The following TMC1 variants were observed in gnomAD, a reference collection of about 807,000 sequenced individuals.
TMC1 encodes the protein transmembrane channel-like protein 1.
TMC1 carries 84 observed loss-of-function variants against 105.8 expected under a neutral mutation model. The observed-to-expected ratio is 0.79, with a 90% CI of 0.67 to 0.95. The LOEUF (loss-of-function observed/expected upper bound fraction) is 0.95, where lower values mean the gene tolerates loss of function less well. Ranked by LOEUF, TMC1 falls within the 40% of genes least tolerant of loss-of-function variation. The pLI, the probability that TMC1 is intolerant of heterozygous loss-of-function variation, is 0.00. For missense variants in TMC1, 817 were observed against 914.1 expected, an observed-to-expected ratio of 0.89 and a Z score of 1.37; for synonymous variants, 315 against 311.5, an observed-to-expected ratio of 1.01 and a Z score of -0.12.
chr9:72,581,457 C>A (rs1824473581), intron 2 of TMC1, among the ~76,000 whole-genome samples: 1 of 152,156 alleles, frequency 6.6e-6, no homozygotes, highest in Non-Finnish European at 1.5e-5. Context: ...TATTGAGATG[C>A]ATTGACTCCA....
chr9:72,694,891 T>A (rs1159952681), intron 7 of TMC1, among the ~76,000 whole-genome samples, 177 bp downstream of exon 7: 2 of 152,284 alleles, frequency 1.3e-5, no homozygotes, highest in East Asian at 3.9e-4. Flanking sequence ...AATAGAATTT[T>A]AAAATGAATA....
intron 1 of TMC1, among the ~76,000 whole-genome samples, chr9:72,552,409 A>T (rs1049524463): frequency 6.6e-6 from 1 of 152,108 alleles, no homozygotes; most frequent in African/African-American, 2.4e-5. Context: ...GAAAACTAAG[A>T]GGGAGGGTGG....
rs144969924 is a variant in TMC1, at chr9:72,564,897, C to A, written c.-427-13005C>A. 5.8e-4 allele frequency among the ~76,000 whole-genome samples: 89 copies of A among 152,316 alleles called. 2 individuals carry two copies. In the East Asian group the frequency reaches 0.016, roughly 28 times the overall value. ...CTTCATTTGCAAAAATTAATGATTA[C>A]CTCAAATGATTTCTGATTTTAGCCA... On this transcript the variant is annotated intron_variant, in intron 1 of 23. Coordinates refer to ENST00000297784, the MANE Select transcript of TMC1 (RefSeq NM_138691.3).
At chr9:72,569,106 C>T (rs1387797849) in intron 1 of TMC1, among the ~76,000 whole-genome samples, 3 of 152,164 alleles carry the variant, frequency 2.0e-5, no homozygotes, top group Non-Finnish European at 4.4e-5. Flanking sequence ...AATTTGGATG[C>T]CCAAGTCTCT....
chr9:72,688,792 A>G (rs920608178), intron 6 of TMC1, 36 bp downstream of exon 6: 2 of 1,546,598 alleles, frequency 1.3e-6, no homozygotes, highest in South Asian at 1.1e-5. Flanking sequence ...TACATTTCCT[A>G]TGGAATACCA....
intron 2 of TMC1, among the ~76,000 whole-genome samples, chr9:72,614,049 AT>A (rs2074534464): frequency 6.6e-6 from 1 of 152,208 alleles, no homozygotes; most frequent in African/African-American, 2.4e-5. Flanking sequence ...AAAGGAGCCT[AT>A]ATATTATCCT....
At chr9:72,731,643 G>A (rs1177475890) in intron 8 of TMC1, among the ~76,000 whole-genome samples, 2 of 152,052 alleles carry the variant, frequency 1.3e-5, no homozygotes, top group African/African-American at 4.8e-5. Flanking sequence ...AAAATACTCT[G>A]GATCCTTACT....
rs1314248683 is a variant in TMC1 at position 72,820,965 on chromosome 9, T to C, written c.1887T>C (p.Ala629=). Reference sequence around the variant, plus strand: ...TTCCTGAGGCCAGGGTCTTCAAAGCTTCCAGATCAAATAACTTCTACCTGG... The same window carrying C: ...TTCCTGAGGCCAGGGTCTTCAAAGCCTCCAGATCAAATAACTTCTACCTGG... ...CNVPEARVFK[A]SRSNNFYLGM... is the part of the protein sequence containing the mutation. Residue 629 remains alanine, a synonymous_variant, in exon 20 of 24, where the codon GCT becomes GCC. Transcript: ENST00000297784. The C allele has an allele frequency of 9.9e-6, 16 of 1,614,028 alleles. No homozygotes were observed. The highest frequency in any genetic ancestry group is 1.0e-5 in the Non-Finnish European group (12 of 1,180,040).
At chr9:72,544,942 A>G (rs932338161) in intron 1 of TMC1, among the ~76,000 whole-genome samples, 3 of 151,546 alleles carry the variant, frequency 2.0e-5, no homozygotes, top group Non-Finnish European at 2.9e-5. Context: ...TCACCCCCCC[A>G]AGTCTTTCCC....
At chr9:72,675,903 T>C (rs1360966381) in intron 5 of TMC1, among the ~76,000 whole-genome samples, 1 of 150,944 alleles carries the variant, frequency 6.6e-6, no homozygotes, top group East Asian at 1.9e-4. Flanking sequence ...TCTCCCAATC[T>C]AGGCTCCATT....
At chr9:72,560,749 G>T (rs936644029) in intron 1 of TMC1, among the ~76,000 whole-genome samples, 1 of 151,884 alleles carries the variant, frequency 6.6e-6, no homozygotes, top group African/African-American at 2.4e-5. Flanking sequence ...CTCCCAAAGT[G>T]CTGGGATTAC....
chr9:72,644,302 G>A (rs2120807), intron 4 of TMC1, among the ~76,000 whole-genome samples: 81,803 of 151,230 alleles, frequency 0.54, 22,885 homozygotes, highest in African/African-American at 0.7. Context: ...TTTTTATTTT[G>A]TGGATTGGAC....
chr9:72,823,213 C>T (rs1351671833), intron 20 of TMC1, among the ~76,000 whole-genome samples: 3 of 151,744 alleles, frequency 2.0e-5, no homozygotes, highest in Non-Finnish European at 4.4e-5. Context: ...CACTTTAGAG[C>T]CAAAGGATGT....
In TMC1 at chr9:72,588,429, T is replaced by A. The variant is rs1415316465; in HGVS notation, c.-306+10406T>A. ...GGGCTATAATCATCTGAATGCTTGC[T>A]CACTCCTGTGCTCTCATGTCAGGCA... On this transcript the variant is annotated intron_variant, in intron 2 of 23. Transcript: ENST00000297784. 2.6e-5 allele frequency among the ~76,000 whole-genome samples: 4 copies of A among 152,156 alleles called. No individual in the cohort carries two copies. The East Asian group carries it at 7.7e-4, about 29-fold the overall frequency.
intron 13 of TMC1, among the ~76,000 whole-genome samples, chr9:72,773,380 G>A (rs1417561904): frequency 6.6e-6 from 1 of 152,086 alleles, no homozygotes; most frequent in Non-Finnish European, 1.5e-5. Context: ...GTCTAAGAGG[G>A]GAAAAGTGCA....
At chr9:72,581,888 G>A (rs1223939038) in intron 2 of TMC1, among the ~76,000 whole-genome samples, 1 of 152,170 alleles carries the variant, frequency 6.6e-6, no homozygotes, top group African/African-American at 2.4e-5. Context: ...GAGATGACTA[G>A]CAGAAAACAG....
At position 72,791,895 on chromosome 9, in the gene TMC1, G is replaced by A; in HGVS notation, c.1234G>A (p.Val412Ile). Residue 412 changes from valine (V) to isoleucine (I), a missense_variant, in exon 16 of 24, where the codon GTT (valine) becomes ATT (isoleucine). Val to Ile is a conservative substitution (Grantham distance 29). Transcript: ENST00000297784. ...GWWEKNEMNM[V>I]MSLLGMFCPT... ...TTGTGCCTCCTTGTAGATGAACATG[G>A]TTATGTCCCTCCTAGGGATGTTCTG... is the stretch of plus-strand genomic sequence containing the variant. 1.2e-6 allele frequency: 2 copies of A among 1,612,374 alleles called. No homozygotes were observed. The highest frequency in any genetic ancestry group is 1.1e-5 in the South Asian group (1 of 91,014).
At chr9:72,589,012 C>T (rs539710404) in intron 2 of TMC1, among the ~76,000 whole-genome samples, 6 of 152,228 alleles carry the variant, frequency 3.9e-5, no homozygotes, top group East Asian at 3.9e-4. Context: ...TCAGGTGATC[C>T]GCCTGCCTTG....
chr9:72,666,057 TG>T (rs1190619533), intron 5 of TMC1, among the ~76,000 whole-genome samples: 1 of 152,190 alleles, frequency 6.6e-6, no homozygotes, highest in African/African-American at 2.4e-5. Flanking sequence ...AATGTTTTAG[TG>T]AGAAGGCAGC....
Sources: allele counts gnomAD v4.1 joint callset (sites outside exome capture counted in the v4.1 genomes callset), GRCh38; gene constraint gnomAD v4.1.1; transcripts MANE v1.5; gene names NCBI Gene and HGNC (gene_info 2026-07-23, HGNC 2026-07-21).